WDR20: variants seen among roughly 807,000 people sequenced by gnomAD.
WDR20 encodes the protein WD repeat domain 20, also known as WD repeat-containing protein 20.
In WDR20, 3 loss-of-function variants were observed where a neutral mutation model predicts 38.7. That is an observed-to-expected ratio of 0.08 (90% confidence interval 0.04 to 0.20). The LOEUF (loss-of-function observed/expected upper bound fraction) is 0.20. Among genes scored for constraint, WDR20 ranks in the 10% least tolerant of loss-of-function variants. The pLI is 1.00. For synonymous variants in WDR20, 298 were observed against 285.6 expected, an observed-to-expected ratio of 1.04 and a Z score of -0.44; for missense variants, 559 against 727.7, an observed-to-expected ratio of 0.77 and a Z score of 2.67.
rs140405525 is a variant in WDR20, at chr14:102,198,803, T to G, written c.432+3683T>G. Among the ~76,000 whole-genome samples, 1,280 of 152,272 alleles carry G rather than the reference T, an allele frequency of 8.4e-3. 8 individuals are homozygous for G. Among genetic ancestry groups the G allele is most frequent in the Non-Finnish European group, 0.015 (1,020 of 68,022 alleles). On this transcript the variant is annotated intron_variant, in intron 2 of 2. Transcript: ENST00000342702. ...GGAAAGGTGTATTAATAAATCAGGTTTCTGGGTGTCTCTTGCTGTGTTGGG... is the reference window on the plus strand; with the variant it reads ...GGAAAGGTGTATTAATAAATCAGGTGTCTGGGTGTCTCTTGCTGTGTTGGG...
chr14:102,208,852 T>C lies in WDR20; in HGVS notation c.682T>C (p.Phe228Leu). The change falls in exon 3 of 3, where the codon TTC (phenylalanine) becomes CTC (leucine). Residue 228 changes from phenylalanine (F) to leucine (L), a missense_variant. By Grantham distance (22) the Phe-to-Leu change is conservative. Transcript: ENST00000342702. The surrounding 1 kb of genome is among the most constrained non-coding windows in gnomAD (Gnocchi z 5.6). ...VGEGALNEFA[F>L]SPDGKFLACV... ...CGAGGGGGCCCTCAACGAGTTTGCT[T>C]TCTCCCCAGATGGCAAGTTCTTAGC... 1 of 1,614,188 alleles carries C rather than the reference T, an allele frequency of 6.2e-7. No homozygotes were observed. The highest frequency in any genetic ancestry group is 8.5e-7 in the Non-Finnish European group (1 of 1,180,032).
intron 1 of WDR20, among the ~76,000 whole-genome samples, chr14:102,175,050 T>G (rs536572341): frequency 9.2e-5 from 14 of 152,216 alleles, no homozygotes; most frequent in Non-Finnish European, 1.6e-4. Context: ...GTGCAGAAGT[T>G]TTTTCATTTA....
intron 1 of WDR20, among the ~76,000 whole-genome samples, chr14:102,153,338 GCT>G (rs1241574490): frequency 1.7e-5 from 2 of 119,190 alleles, no homozygotes; most frequent in African/African-American, 6.3e-5. Context: ...ATGGAGTCTT[GCT>G]CTGTCACCCA....
intron 2 of WDR20, chr14:102,197,911 C>A (rs1012160257): frequency 3.1e-5 from 21 of 668,106 alleles, no homozygotes; most frequent in African/African-American, 1.6e-4. Context: ...ACCTTGACTA[C>A]CTACCACATG....
exon 4 of WDR20, chr14:102,223,028 C>T (rs1181331507): frequency 2.2e-6 from 2 of 899,770 alleles, no homozygotes; most frequent in African/African-American, 1.7e-5. Flanking sequence ...GTGACCGGCT[C>T]ACTCTGCGGC....
intron 1 of WDR20, among the ~76,000 whole-genome samples, chr14:102,154,496 A>G (rs1210338475): frequency 6.3e-4 from 96 of 152,172 alleles, no homozygotes; most frequent in Admixed American, 6.2e-3. Flanking sequence ...ATATTATCAC[A>G]TTGCTGATGA....
intron 1 of WDR20, among the ~76,000 whole-genome samples, chr14:102,149,363 A>G (rs1477733904): frequency 6.6e-6 from 1 of 152,072 alleles, no homozygotes; most frequent in Non-Finnish European, 1.5e-5. Context: ...TACAAAGTAG[A>G]GGATATGTGC....
chr14:102,208,680 G>A lies in WDR20; in HGVS notation c.510G>A (p.Ser170=), dbSNP rs1385567671. ...GSESLFLVAH[S]SGNMYLYNVE... is the part of the protein sequence containing the mutation. ...AAAGCCTTTTCCTAGTAGCCCACTCGAGTGGGAACATGTACTTATATAATG... is the reference window on the plus strand; with the variant it reads ...AAAGCCTTTTCCTAGTAGCCCACTCAAGTGGGAACATGTACTTATATAATG... The change falls in exon 3 of 3, where the codon TCG becomes TCA. Residue 170 remains serine, a synonymous_variant. Transcript: ENST00000342702. The surrounding 1 kb of genome is among the most constrained non-coding windows in gnomAD (Gnocchi z 5.6). 4 of 1,613,982 alleles carry A rather than the reference G, an allele frequency of 2.5e-6. No homozygotes were observed. The highest frequency in any genetic ancestry group is 1.3e-5 in the African/African-American group (1 of 74,934).
chr14:102,157,821 T>C (rs985009596), intron 1 of WDR20, among the ~76,000 whole-genome samples: 3 of 152,120 alleles, frequency 2.0e-5, no homozygotes, highest in African/African-American at 7.2e-5. Flanking sequence ...GGTAGGATTA[T>C]CTTCCTTAGT....
chr14:102,175,295 A>G (rs2061812204), intron 1 of WDR20, among the ~76,000 whole-genome samples: 1 of 152,170 alleles, frequency 6.6e-6, no homozygotes, highest in African/African-American at 2.4e-5. Context: ...AGCACCATTC[A>G]TTGAATAGGG....
chr14:102,192,259 A>T (rs1488516035), intron 1 of WDR20, among the ~76,000 whole-genome samples: 1 of 151,338 alleles, frequency 6.6e-6, no homozygotes, highest in Non-Finnish European at 1.5e-5. Flanking sequence ...GGCTCACTGC[A>T]AGCTCCGCCT....
At chr14:102,175,176 T>C (rs990943257) in intron 1 of WDR20, among the ~76,000 whole-genome samples, 3 of 152,344 alleles carry the variant, frequency 2.0e-5, no homozygotes, top group African/African-American at 7.2e-5. Context: ...AGAATTTTTA[T>C]GGTTTCAGGT....
chr14:102,200,800 G>A (rs2060263200), intron 2 of WDR20, among the ~76,000 whole-genome samples: 1 of 152,180 alleles, frequency 6.6e-6, no homozygotes, highest in Non-Finnish European at 1.5e-5. Flanking sequence ...GTGAGGCTGA[G>A]GCAGACACAC....
Position 102,200,999 on chromosome 14 carries a change from G to A in WDR20, c.432+5879G>A, listed in dbSNP as rs558582266. Among the ~76,000 whole-genome samples the A allele has an allele frequency of 2.6e-5, 4 of 152,332 alleles. No homozygotes were observed. The East Asian group carries it at 7.7e-4, about 29-fold the overall frequency. ...AGCTTAGCAGTGTTCTGTCTATTCT[G>A]ATACAAAGGAATGGTCTGCACATTT... On this transcript the variant is annotated intron_variant, in intron 2 of 2. Coordinates refer to ENST00000342702, the MANE Select transcript of WDR20 (RefSeq NM_144574.4).
chr14:102,165,847 C>T (rs1375795936), intron 1 of WDR20, among the ~76,000 whole-genome samples: 1 of 151,846 alleles, frequency 6.6e-6, no homozygotes, highest in Non-Finnish European at 1.5e-5. Flanking sequence ...ATCATATTGC[C>T]CAGGCTGGTC....
At chr14:102,197,474 G>A (rs1413390004) in intron 2 of WDR20, among the ~76,000 whole-genome samples, 1 of 152,168 alleles carries the variant, frequency 6.6e-6, no homozygotes, top group Admixed American at 6.5e-5. Flanking sequence ...TGTTTGATGT[G>A]GGTCTTAAAG....
chr14:102,178,125 C>T (rs1056410737), intron 1 of WDR20, among the ~76,000 whole-genome samples: 2 of 152,118 alleles, frequency 1.3e-5, no homozygotes, highest in Non-Finnish European at 1.5e-5. Context: ...GGTGCAGTGG[C>T]TCATGCCTGT....
At chr14:102,211,067 G>A (rs144931309), downstream of WDR20, among the ~76,000 whole-genome samples, 32 of 152,264 alleles carry the variant, frequency 2.1e-4, 1 homozygote, top group South Asian at 4.1e-4. The surrounding 1 kb of genome is among the most constrained non-coding windows in gnomAD (Gnocchi z 4.2). Context: ...CTGCTCCCCC[G>A]GAGACCGCAG....
chr14:102,172,557 C>T lies in WDR20; in HGVS notation c.250-22381C>T, dbSNP rs1390422080. 7.5e-4 allele frequency among the ~76,000 whole-genome samples: 111 copies of T among 147,382 alleles called. 1 individual carries two copies. The highest frequency in any genetic ancestry group is 1.2e-3 in the Non-Finnish European group (80 of 65,550). On this transcript the variant is annotated intron_variant, in intron 1 of 2. Coordinates refer to ENST00000342702, the MANE Select transcript of WDR20 (RefSeq NM_144574.4). Reference sequence around the variant, plus strand: ...GGGGGCTGACCCCCCACCTCCCTCCCGGACGGGGCGGCTGGCCGGGCAGAG... The same window carrying T: ...GGGGGCTGACCCCCCACCTCCCTCCTGGACGGGGCGGCTGGCCGGGCAGAG...
Sources: gnomAD v4.1 joint callset for allele counts (sites outside exome capture counted in the v4.1 genomes callset) on GRCh38, gnomAD v4.1.1 for gene constraint, Gnocchi (gnomAD v3.1) non-coding constraint, MANE v1.5 for transcripts, NCBI Gene and HGNC (gene_info 2026-07-23, HGNC 2026-07-21) for gene names.